Variants in CDK14 observed in about 807,000 individuals in gnomAD.
CDK14 encodes cyclin-dependent kinase 14.
CDK14 carries 34 observed loss-of-function variants against 60.7 expected under a neutral mutation model. The ratio of observed to expected loss-of-function variants is 0.56; its 90% confidence interval spans 0.43 to 0.75. The LOEUF (loss-of-function observed/expected upper bound fraction) is 0.75, where lower values mean the gene tolerates loss of function less well. Ranked by LOEUF, CDK14 falls within the 30% of genes least tolerant of loss-of-function variation. The probability of loss-of-function intolerance (pLI) is 0.00; values close to 1 mark genes in which losing one functional copy is unlikely to be tolerated. For synonymous variants in CDK14, 197 were observed against 203.7 expected, an observed-to-expected ratio of 0.97 and a Z score of 0.28; for missense variants, 482 against 564.1, an observed-to-expected ratio of 0.85 and a Z score of 1.47.
chr7:90,871,969 C>G (rs1429274419), intron 6 of CDK14, among the ~76,000 whole-genome samples: 3 of 152,192 alleles, frequency 2.0e-5, no homozygotes, highest in Non-Finnish European at 4.4e-5. Context: ...AAACACAGCT[C>G]ATTATGGTCA....
At position 90,649,236 on chromosome 7, in the gene CDK14, GTTTCTTTCTTTCTTTC is replaced by G. The variant is rs1167505193; in HGVS notation, c.123+45048_123+45063del. 5.2e-3 allele frequency among the ~76,000 whole-genome samples: 614 copies of G among 118,668 alleles called. 7 individuals are homozygous for G. The highest frequency in any genetic ancestry group is 7.5e-3 in the Admixed American group (85 of 11,368). The allele number at this position is 118,668 out of a possible 152,430, so 77.9% of individuals were successfully genotyped here. A position where few individuals can be genotyped will look rare whatever the true frequency, so the allele number is the denominator to read the frequency against. ...GAGTCAGCAACAGCTCTAGCCTATAGTTTCTTTCTTTCTTTCTTTCTTTCTTTCTTTCTTTCTTTCT... is the reference window on the plus strand; with the variant it reads ...GAGTCAGCAACAGCTCTAGCCTATAGTTTCTTTCTTTCTTTCTTTCTTTCT... On this transcript the variant is annotated intron_variant, in intron 2 of 14. Transcript: ENST00000380050.
intron 14 of CDK14, among the ~76,000 whole-genome samples, chr7:91,124,443 T>TA (rs1200770762): frequency 6.6e-6 from 1 of 151,930 alleles, no homozygotes; most frequent in African/African-American, 2.4e-5. Flanking sequence ...GTGTTTTTCT[T>TA]AAAAACAAAT....
chr7:90,636,407 A>G (rs1194882465), intron 2 of CDK14, among the ~76,000 whole-genome samples: 2 of 152,254 alleles, frequency 1.3e-5, no homozygotes, highest in South Asian at 2.1e-4. Context: ...GATTTTTGTC[A>G]TTGGTTCTGT....
intron 10 of CDK14, among the ~76,000 whole-genome samples, chr7:91,025,182 A>G (rs1796537795): frequency 6.6e-6 from 1 of 152,092 alleles, no homozygotes; most frequent in Non-Finnish European, 1.5e-5. Flanking sequence ...AAAAGATTCA[A>G]ATTCTGTTTT....
At chr7:90,951,430 T>C (rs757840816) in intron 8 of CDK14, among the ~76,000 whole-genome samples, 5 of 152,232 alleles carry the variant, frequency 3.3e-5, no homozygotes, top group Non-Finnish European at 5.9e-5. Context: ...TTGTTGACTC[T>C]GCAAATTCAG....
intron 5 of CDK14, among the ~76,000 whole-genome samples, chr7:90,828,760 A>G (rs1344660904): frequency 6.6e-6 from 1 of 152,234 alleles, no homozygotes; most frequent in Non-Finnish European, 1.5e-5. Context: ...ATACTCTTTT[A>G]CAATTCAGAT....
At chr7:90,987,721 A>G (rs1795411418) in intron 10 of CDK14, among the ~76,000 whole-genome samples, 1 of 149,440 alleles carries the variant, frequency 6.7e-6, no homozygotes, top group African/African-American at 2.5e-5. Context: ...AATCACTGAG[A>G]AAAAAAAAAT....
At chr7:90,717,393 G>A (rs2116672753) in intron 2 of CDK14, among the ~76,000 whole-genome samples, 1 of 152,182 alleles carries the variant, frequency 6.6e-6, no homozygotes, top group Middle Eastern at 3.4e-3. Context: ...CCTATTGATG[G>A]CAAGCATTGA....
rs572682437 is a variant in CDK14, at chr7:90,807,992, G to C, written c.544+17340G>C. ...AAAAGACCAAATCTACGTCTGATTGGTGTACCTGAAAGTGACGAGGAGAAT... is the reference window on the plus strand; with the variant it reads ...AAAAGACCAAATCTACGTCTGATTGCTGTACCTGAAAGTGACGAGGAGAAT... On this transcript the variant is annotated intron_variant, in intron 5 of 14. Coordinates refer to ENST00000380050, the MANE Select transcript of CDK14 (RefSeq NM_001287135.2). Among the ~76,000 whole-genome samples the C allele has an allele frequency of 5.3e-5, 8 of 152,314 alleles. No individual in the cohort carries two copies. The South Asian group carries it at 1.5e-3, about 28-fold the overall frequency.
chr7:90,729,093 T>C (rs997972672), intron 3 of CDK14, among the ~76,000 whole-genome samples: 5 of 151,794 alleles, frequency 3.3e-5, no homozygotes, highest in Non-Finnish European at 7.4e-5. Context: ...CTGCCTGGTA[T>C]CCAAGCCCCA....
At chr7:90,776,303 G>A (rs1805042535) in intron 4 of CDK14, among the ~76,000 whole-genome samples, 1 of 152,110 alleles carries the variant, frequency 6.6e-6, no homozygotes, top group Non-Finnish European at 1.5e-5. Flanking sequence ...ATCTCCTCAA[G>A]GGCTGTATGC....
chr7:90,952,741 A>C (rs745870217), intron 8 of CDK14, among the ~76,000 whole-genome samples: 3 of 152,210 alleles, frequency 2.0e-5, no homozygotes, highest in Non-Finnish European at 1.5e-5. Flanking sequence ...TTTAAAAGGT[A>C]GTGTAGCTCT....
At chr7:91,124,681 A>T (rs1799889323) in intron 14 of CDK14, among the ~76,000 whole-genome samples, 1 of 152,112 alleles carries the variant, frequency 6.6e-6, no homozygotes, top group Non-Finnish European at 1.5e-5. Context: ...CGGGGGGAAT[A>T]GCACTTGCAT....
intron 7 of CDK14, among the ~76,000 whole-genome samples, chr7:90,905,127 G>GGAGA (rs1792650771): frequency 1.3e-5 from 2 of 152,184 alleles, no homozygotes; most frequent in Non-Finnish European, 2.9e-5. Context: ...ATCCACTACT[G>GGAGA]GAGAGAGGTG....
chr7:90,609,193 T>C (rs1584738837), intron 2 of CDK14, among the ~76,000 whole-genome samples: 1 of 152,066 alleles, frequency 6.6e-6, no homozygotes, highest in East Asian at 1.9e-4. Flanking sequence ...CCTGGCTAAT[T>C]TTTGTATTTT....
At chr7:91,039,140 C>G (rs1288536661) in intron 10 of CDK14, among the ~76,000 whole-genome samples, 2 of 152,140 alleles carry the variant, frequency 1.3e-5, no homozygotes, top group Non-Finnish European at 2.9e-5. Flanking sequence ...CTTTTGAAGT[C>G]TCAGTTTTAA....
intron 9 of CDK14, among the ~76,000 whole-genome samples, chr7:90,960,652 A>T (rs773067732): frequency 6.6e-6 from 1 of 152,116 alleles, no homozygotes; most frequent in Non-Finnish European, 1.5e-5. Context: ...GCCATTTAGC[A>T]TTGCTTTTTT....
chr7:90,602,809 G>A (rs1799343602), intron 1 of CDK14, among the ~76,000 whole-genome samples: 2 of 152,062 alleles, frequency 1.3e-5, no homozygotes. Context: ...AGTTTATTAG[G>A]CAAAAGGGAA....
intron 3 of CDK14, among the ~76,000 whole-genome samples, chr7:90,729,461 C>T (rs1250067622): frequency 7.1e-6 from 1 of 140,744 alleles, no homozygotes; most frequent in East Asian, 2.3e-4. Context: ...GTTCTCTTTA[C>T]TCATTTTGAT....
Sources: gnomAD v4.1 joint callset for allele counts (sites outside exome capture counted in the v4.1 genomes callset) on GRCh38, gnomAD v4.1.1 for gene constraint, MANE v1.5 for transcripts, NCBI Gene and HGNC (gene_info 2026-07-23, HGNC 2026-07-21) for gene names.